Variants in KNTC1 observed in about 807,000 individuals in gnomAD.
KNTC1 encodes the protein kinetochore associated 1, also known as kinetochore-associated protein 1.
A neutral mutation model predicts 314.4 loss-of-function variants in KNTC1; 253 were observed. That is an observed-to-expected ratio of 0.80 (90% CI 0.73 to 0.89). KNTC1 has a LOEUF of 0.89. KNTC1 is among the 40% of genes least tolerant of loss of function. The pLI, the probability that KNTC1 is intolerant of heterozygous loss-of-function variation, is 0.00. For missense variants in KNTC1, 2,475 were observed against 2,572.9 expected (o/e 0.96, Z 0.82); for synonymous variants, 901 against 901.4 (o/e 1.00, Z 0.01).
At position 122,602,602 on chromosome 12, in the gene KNTC1, A is replaced by G. The variant is rs754043201; in HGVS notation, c.4687A>G (p.Arg1563Gly). 1 of 1,611,646 alleles carries G rather than the reference A, an allele frequency of 6.2e-7. No individual in the cohort carries two copies. Among genetic ancestry groups the G allele is most frequent in the South Asian group, 1.1e-5 (1 of 90,716 alleles). The change falls in exon 46 of 64, where the codon AGA (arginine) becomes GGA (glycine). Residue 1563 changes from arginine (R) to glycine (G), a missense_variant. Physicochemically the swap from Arg to Gly is moderately radical, Grantham distance 125 (BLOSUM62 -2). Coordinates refer to ENST00000333479, the MANE Select transcript of KNTC1 (RefSeq NM_014708.6). Reference sequence around the variant, plus strand: ...TATTCTGAAACATTTGAAGTCATACAGAAGAATTTCTCCTCCCGTGGATCT... The same window carrying G: ...TATTCTGAAACATTTGAAGTCATACGGAAGAATTTCTCCTCCCGTGGATCT... Reference protein sequence around the residue: ...LSILKHLKSYRRISPPVDLEY... With the variant: ...LSILKHLKSYGRISPPVDLEY...
At chr12:122,568,413 C>A (rs765333076) in intron 21 of KNTC1, 41 bp downstream of exon 21, 1 of 1,074,626 alleles carries the variant, frequency 9.3e-7, no homozygotes, top group South Asian at 1.3e-5. Flanking sequence ...CTTTATAGCT[C>A]CTGAGTTAGG....
chr12:122,571,472 C>T (rs1964684664), intron 24 of KNTC1, among the ~76,000 whole-genome samples: 1 of 151,998 alleles, frequency 6.6e-6, no homozygotes, highest in African/African-American at 2.4e-5. Flanking sequence ...GATCCTCCCA[C>T]CTCAGCCTCC....
Position 122,569,821 on chromosome 12 carries a change from A to G in KNTC1, c.1857A>G (p.Gly619=), listed in dbSNP as rs750779488. Residue 619 remains glycine, a synonymous_variant, in exon 22 of 64, where the codon GGA becomes GGG. Transcript: ENST00000333479. ...IPFVRRTVPE[G]QIILAKWLEQ... is the part of the protein sequence containing the mutation. ...TTGTAAGAAGGACTGTGCCTGAAGG[A>G]CAGGTGAGTTGTCTTCAGTATTTCC... 1 of 1,609,120 alleles carries G rather than the reference A, an allele frequency of 6.2e-7. No homozygotes were observed. Among genetic ancestry groups the G allele is most frequent in the Non-Finnish European group, 8.5e-7 (1 of 1,178,302 alleles).
chr12:122,626,356 T>G lies in KNTC1; in HGVS notation c.*128T>G. 1.5e-6 allele frequency: 1 copy of G among 678,066 alleles called. No homozygotes were observed. The highest frequency in any genetic ancestry group is 1.8e-5 in the South Asian group (1 of 55,146). 42.0% of individuals were successfully genotyped at this position (678,066 alleles called of 1,614,324 possible). ...TATTTGTCTAACATTACCCCACATG[T>G]AATAAATAAAACAATATGAGCATAA... On this transcript the variant is annotated 3_prime_UTR_variant, in exon 64 of 64. Transcript: ENST00000333479.
chr12:122,547,960 TA>T lies in KNTC1; in HGVS notation c.980del (p.Asn327IlefsTer4). ...LKLIALTASA[N>X]KKMKNLMVYS... ...AATTAATAGCTCTGACAGCTTCAGC[TA>T]ATAAGAAGGTATTGGAAAATTTTAT... On this transcript the variant is annotated frameshift_variant, in exon 12 of 64. Transcript: ENST00000333479. LOFTEE classifies it high-confidence loss of function. 6.5e-7 allele frequency: 1 copy of T among 1,549,996 alleles called. No homozygotes were observed. Among genetic ancestry groups the T allele is most frequent in the Non-Finnish European group, 8.7e-7 (1 of 1,152,058 alleles).
intron 21 of KNTC1, among the ~76,000 whole-genome samples, chr12:122,568,887 A>T (rs1964508956): frequency 6.6e-6 from 1 of 152,196 alleles, no homozygotes; most frequent in Admixed American, 6.6e-5. Context: ...GTCTTCTGAT[A>T]ATATTAAATC....
intron 58 of KNTC1, 26 bp from the exon 59 acceptor site, chr12:122,618,456 T>C (rs369845224): frequency 1.3e-5 from 21 of 1,598,852 alleles, no homozygotes; most frequent in Admixed American, 1.2e-4. Flanking sequence ...GTGTATATCA[T>C]GGTTGTTTTT....
intron 43 of KNTC1, among the ~76,000 whole-genome samples, chr12:122,596,713 A>G (rs971672201): frequency 5.9e-5 from 9 of 151,962 alleles, no homozygotes; most frequent in African/African-American, 2.2e-4. Flanking sequence ...GTTGTGGCGC[A>G]TGCTTGTAGT....
chr12:122,591,781 T>C (rs983501583), intron 42 of KNTC1, among the ~76,000 whole-genome samples: 1 of 152,206 alleles, frequency 6.6e-6, no homozygotes, highest in African/African-American at 2.4e-5. Flanking sequence ...TCTGCTGCTG[T>C]TATTTAAAGA....
At position 122,539,668 on chromosome 12, in the gene KNTC1, G is replaced by A. The variant is rs1962129467; in HGVS notation, c.367-8G>A. ...TAATTTTATTATTTGAAATTAATTT[G>A]CATTTAGGCATTTGTTCAGAAAGCT... is the stretch of plus-strand genomic sequence containing the variant. On this transcript the variant is annotated splice_polypyrimidine_tract_variant and splice_region_variant and intron_variant, in intron 4 of 63. Transcript: ENST00000333479. 1 of 1,523,460 alleles carries A rather than the reference G, an allele frequency of 6.6e-7. No homozygotes were observed. The highest frequency in any genetic ancestry group is 8.9e-7 in the Non-Finnish European group (1 of 1,127,972). 94.4% of individuals were successfully genotyped at this position (1,523,460 alleles called of 1,614,324 possible).
chr12:122,547,449 C>A lies in KNTC1; in HGVS notation c.851C>A (p.Thr284Asn). The change falls in exon 11 of 64, where the codon ACT becomes AAT. Residue 284 changes from threonine to asparagine, a missense_variant. Coordinates refer to ENST00000333479, the MANE Select transcript of KNTC1 (RefSeq NM_014708.6). ...AGTTTATGGGATATTTACACTCTAA[C>A]TCCTGTATGGAACTGGCCCTCTCTT... ...VLSLWDIYTL[T>N]PVWNWPSLHV... 1 of 1,612,568 alleles carries A rather than the reference C, an allele frequency of 6.2e-7. No homozygotes were observed. Among genetic ancestry groups the A allele is most frequent in the Non-Finnish European group, 8.5e-7 (1 of 1,178,750 alleles).
In KNTC1 at chr12:122,602,523, G is replaced by A. The variant is rs201962408; in HGVS notation, c.4654-46G>A. On this transcript the variant is annotated intron_variant, in intron 45 of 63. Transcript: ENST00000333479. ...TATTAGATGATTTTATGACAGTTTA[G>A]GATTGGGTTACTCTTACTGGACAAA... is the stretch of plus-strand genomic sequence containing the variant. 9.3e-5 allele frequency: 110 copies of A among 1,181,028 alleles called. No individual in the cohort carries two copies. The African/African-American group carries it at 1.4e-3, about 15-fold the overall frequency. The allele number at this position is 1,181,028 out of a possible 1,614,324, so 73.2% of individuals were successfully genotyped here.
Position 122,605,400 on chromosome 12 carries a change from A to G in KNTC1, c.5481A>G (p.Ser1827=). ...DMLLEKWLCP[S]TKPGEKPSEL... ...TGTTGGAAAAATGGCTATGCCCTTCAACAAAACCTGGTGAAGTAAGTACTT... is the reference window on the plus strand; with the variant it reads ...TGTTGGAAAAATGGCTATGCCCTTCGACAAAACCTGGTGAAGTAAGTACTT... The change falls in exon 51 of 64, where the codon TCA becomes TCG. Residue 1827 remains serine, a synonymous_variant. Transcript: ENST00000333479. The G allele has an allele frequency of 6.3e-7, 1 of 1,586,554 alleles. No individual in the cohort carries two copies. The highest frequency in any genetic ancestry group is 1.1e-5 in the South Asian group (1 of 87,676).
intron 31 of KNTC1, among the ~76,000 whole-genome samples, chr12:122,579,255 G>A (rs376861525): frequency 2.0e-5 from 3 of 149,380 alleles, no homozygotes; most frequent in Non-Finnish European, 4.5e-5. Context: ...TAGTAGAGAC[G>A]GGGTTTCACC....
At position 122,546,269 on chromosome 12, in the gene KNTC1, G is replaced by T; in HGVS notation, c.763G>T (p.Gly255Cys). The change falls in exon 9 of 64, where the codon GGT (glycine) becomes TGT (cysteine). Residue 255 changes from glycine to cysteine, a missense_variant and splice_region_variant. Physicochemically the swap from Gly to Cys is radical, Grantham distance 159. Transcript: ENST00000333479. ...CCTTATTGATGCAGAGATTATTAAA[G>T]GTAAAATAAGTTAATGAAACTACTT... is the stretch of plus-strand genomic sequence containing the variant. ...KNLIDAEIIK[G>C]AKKFQLIDNL... The T allele has an allele frequency of 6.6e-7, 1 of 1,526,000 alleles. No homozygotes were observed. Among genetic ancestry groups the T allele is most frequent in the Non-Finnish European group, 9.1e-7 (1 of 1,102,486 alleles). 94.5% of individuals were successfully genotyped at this position (1,526,000 alleles called of 1,614,324 possible).
chr12:122,528,348 T>C (rs888560803), intron 1 of KNTC1, among the ~76,000 whole-genome samples: 4 of 152,226 alleles, frequency 2.6e-5, no homozygotes, highest in Admixed American at 1.3e-4. Context: ...AAGAACTCTT[T>C]AAACATTTAT....
intron 32 of KNTC1, 71 bp downstream of exon 32, chr12:122,580,048 A>G: frequency 9.9e-7 from 1 of 1,008,608 alleles, no homozygotes; most frequent in Non-Finnish European, 1.5e-6. Context: ...GAGGCATCGA[A>G]GACAACTCTC....
rs1376033886 is a variant in KNTC1, at chr12:122,534,902, A to G, written c.250+118A>G. On this transcript the variant is annotated intron_variant, in intron 3 of 63. Coordinates refer to ENST00000333479, the MANE Select transcript of KNTC1 (RefSeq NM_014708.6). ...ATTTCTAAGATTTCAAATTAGACCA[A>G]TTTCAAGTAATTAAGCTTGAGTGCT... 6.2e-6 allele frequency: 6 copies of G among 974,954 alleles called. No homozygotes were observed. The East Asian group carries it at 7.8e-5, about 13-fold the overall frequency. 60.4% of individuals were successfully genotyped at this position (974,954 alleles called of 1,614,324 possible).
At chr12:122,551,287 G>A (rs762480758) in intron 13 of KNTC1, 32 bp from the exon 14 acceptor site, 27 of 1,369,376 alleles carry the variant, frequency 2.0e-5, no homozygotes, top group East Asian at 1.4e-4. Flanking sequence ...CTCTTATATT[G>A]GAATTTTAAT....
Sources: allele counts gnomAD v4.1 joint callset (sites outside exome capture counted in the v4.1 genomes callset), GRCh38; gene constraint gnomAD v4.1.1; transcripts MANE v1.5; gene names NCBI Gene and HGNC (gene_info 2026-07-23, HGNC 2026-07-21).